Variants in CCDC88A observed in about 807,000 individuals in gnomAD.
The protein encoded by CCDC88A is coiled-coil and HOOK domain protein 88A.
In CCDC88A, 54 loss-of-function variants were observed where a neutral mutation model predicts 234.3. The ratio of observed to expected loss-of-function variants is 0.23; its 90% CI spans 0.19 to 0.29. The LOEUF (loss-of-function observed/expected upper bound fraction) is 0.29. Ranked by LOEUF, CCDC88A falls within the 10% of genes least tolerant of loss-of-function variation. The probability of loss-of-function intolerance (pLI) is 1.00; values close to 1 mark genes in which losing one functional copy is unlikely to be tolerated. For missense variants in CCDC88A, 1,832 were observed against 2,123.4 expected (o/e 0.86, Z 2.70); for synonymous variants, 753 against 737.8 (o/e 1.02, Z -0.33).
chr2:55,398,262 C>T (rs2867178), intron 2 of CCDC88A, among the ~76,000 whole-genome samples: 125,440 of 152,116 alleles, frequency 0.82, 52,754 homozygotes, highest in Admixed American at 0.92. Context: ...ACCTAAGCAC[C>T]CCAAACCTCT....
intron 8 of CCDC88A, among the ~76,000 whole-genome samples, chr2:55,351,252 A>G (rs540836738): frequency 2.0e-5 from 3 of 152,308 alleles, no homozygotes; most frequent in East Asian, 3.9e-4. Context: ...ACAGATTTCT[A>G]AAAGTGCATT....
Position 55,325,245 on chromosome 2 carries a change from G to C in CCDC88A, c.2998-2553C>G, listed in dbSNP as rs528863741. ...TGAGGTATTTCCTTTGGTGTTTCTA[G>C]TACAGAGTTCTTGCACACATTTCCT... On this transcript the variant is annotated intron_variant, in intron 17 of 32. Transcript: ENST00000436346. Among the ~76,000 whole-genome samples, 9 of 152,262 alleles carry C rather than the reference G, an allele frequency of 5.9e-5. No homozygotes were observed. In the South Asian group the frequency reaches 8.3e-4, roughly 14 times the overall value.
intron 2 of CCDC88A, among the ~76,000 whole-genome samples, chr2:55,392,594 T>A (rs1349884): frequency 0.3 from 46,265 of 152,112 alleles, 7,457 homozygotes; most frequent in East Asian, 0.54. Flanking sequence ...GTAATATTTT[T>A]AAAATGTATT....
At chr2:55,306,782 G>A (rs898409591) in intron 25 of CCDC88A, among the ~76,000 whole-genome samples, 1 of 152,004 alleles carries the variant, frequency 6.6e-6, no homozygotes, top group African/African-American at 2.4e-5. Context: ...CACCATGTTG[G>A]CCAGACTGGT....
At chr2:55,396,459 T>C (rs1292136144) in intron 2 of CCDC88A, among the ~76,000 whole-genome samples, 2 of 152,198 alleles carry the variant, frequency 1.3e-5, no homozygotes, top group African/African-American at 2.4e-5. Context: ...GGTTTCACCA[T>C]AAATCAGAAA....
chr2:55,332,566 C>T lies in CCDC88A; in HGVS notation c.2855G>A (p.Ser952Asn). The change falls in exon 16 of 33, where the codon AGT (serine) becomes AAT (asparagine). Residue 952 changes from serine (S) to asparagine (N), a missense_variant and splice_region_variant. By Grantham distance (46) the Ser-to-Asn change is conservative. This residue lies in a region of CCDC88A where 1,282 missense variants were observed against 1,543.6 expected (regional missense o/e 0.83). Coordinates refer to ENST00000436346, the MANE Select transcript of CCDC88A (RefSeq NM_001365480.1). This position sits in a 1 kb window ranked among gnomAD's most constrained non-coding sequence, Gnocchi z 4.5. ...LLHDEQSTDD[S>N]RYKLLESKLE... ...TTTGCCAAGTAGACTTAGTACTCAC[C>T]TGTCATCAGTACTTTGTTCATCATG... 1 of 1,611,626 alleles carries T rather than the reference C, an allele frequency of 6.2e-7. No individual in the cohort carries two copies. Among genetic ancestry groups the T allele is most frequent in the Non-Finnish European group, 8.5e-7 (1 of 1,179,090 alleles).
chr2:55,291,850 T>G (rs1679478907), intron 31 of CCDC88A, 75 bp from the exon 32 acceptor site: 1 of 1,110,036 alleles, frequency 9.0e-7, no homozygotes, highest in East Asian at 2.4e-5. Context: ...AGAAATACAC[T>G]CTCACTGAGT....
chr2:55,360,524 C>G (rs1267507820), intron 7 of CCDC88A, among the ~76,000 whole-genome samples: 1 of 152,062 alleles, frequency 6.6e-6, no homozygotes, highest in Non-Finnish European at 1.5e-5. Context: ...TCCCAAGTAT[C>G]TGAGACAGAA....
intron 6 of CCDC88A, among the ~76,000 whole-genome samples, chr2:55,362,705 A>C (rs557653768): frequency 2.0e-5 from 3 of 152,006 alleles, no homozygotes; most frequent in Non-Finnish European, 4.4e-5. Context: ...AACTCAAGGC[A>C]TTCTTAAAGG....
chr2:55,344,540 T>G, intron 10 of CCDC88A, 26 bp from the exon 11 acceptor site: 1 of 1,280,368 alleles, frequency 7.8e-7, no homozygotes, highest in South Asian at 1.6e-5. Context: ...ACAAATGTGT[T>G]AATATCTGTT....
chr2:55,385,724 G>A (rs181449064), intron 3 of CCDC88A, among the ~76,000 whole-genome samples: 9 of 151,714 alleles, frequency 5.9e-5, no homozygotes, highest in Admixed American at 3.9e-4. Context: ...CTGGTGGCAC[G>A]TGCCTGTAGT....
At position 55,375,512 on chromosome 2, in the gene CCDC88A, T is replaced by TATAC. The variant is rs1491498389; in HGVS notation, c.274-630_274-629insGTAT. On this transcript the variant is annotated intron_variant, in intron 3 of 32. Coordinates refer to ENST00000436346, the MANE Select transcript of CCDC88A (RefSeq NM_001365480.1). The stretch of plus-strand genomic sequence containing the variant: ...ATATATATATATATATATATATATA[T>TATAC]GTATGTATGTATAAATATGTTGGGT... Among the ~76,000 whole-genome samples, 134 of 13,856 alleles carry TATAC rather than the reference T, an allele frequency of 9.7e-3. 3 individuals carry two copies. The highest frequency in any genetic ancestry group is 0.021 in the African/African-American group (125 of 5,968). 9.1% of individuals were successfully genotyped at this position (13,856 alleles called of 152,430 possible). A position where few individuals can be genotyped will look rare whatever the true frequency, so the allele number is the denominator to read the frequency against.
At chr2:55,324,653 CT>C (rs145610788) in intron 17 of CCDC88A, among the ~76,000 whole-genome samples, 12 of 147,832 alleles carry the variant, frequency 8.1e-5, no homozygotes, top group Admixed American at 1.4e-4. Flanking sequence ...CCTTCTTTTT[CT>C]TTTTTTTTTG....
At chr2:55,417,024 G>A (rs1294134651) in intron 2 of CCDC88A, 1 of 151,658 alleles carries the variant, frequency 6.6e-6, no homozygotes, top group Non-Finnish European at 1.5e-5. Flanking sequence ...GCAGATTTGT[G>A]GTTTGGAAAG....
At chr2:55,385,075 A>G (rs1675369405) in intron 3 of CCDC88A, among the ~76,000 whole-genome samples, 1 of 152,084 alleles carries the variant, frequency 6.6e-6, no homozygotes, top group African/African-American at 2.4e-5. Flanking sequence ...GTCCCCCCAA[A>G]AAATGAGTTC....
intron 2 of CCDC88A, among the ~76,000 whole-genome samples, chr2:55,412,531 T>C (rs1430681045): frequency 6.6e-6 from 1 of 152,130 alleles, no homozygotes; most frequent in Non-Finnish European, 1.5e-5. Context: ...TATTGTGAAC[T>C]GTAGATGCGA....
At chr2:55,322,278 G>C (rs1042932161) in intron 18 of CCDC88A, among the ~76,000 whole-genome samples, 2 of 152,220 alleles carry the variant, frequency 1.3e-5, no homozygotes, top group African/African-American at 4.8e-5. Context: ...AGAAGTCAGA[G>C]AAGACCTTCT....
chr2:55,345,109 T>C (rs911768865), intron 10 of CCDC88A, among the ~76,000 whole-genome samples: 14 of 152,204 alleles, frequency 9.2e-5, no homozygotes, highest in African/African-American at 3.4e-4. Context: ...AACTAAAGTC[T>C]AGAAAAAGTA....
intron 21 of CCDC88A, chr2:55,316,991 T>TC (rs1683067693): frequency 5.8e-6 from 1 of 171,602 alleles, no homozygotes; most frequent in Non-Finnish European, 1.2e-5. Context: ...TGCCTCGGCC[T>TC]CCCAAAGTGC....
Sources: gnomAD v4.1 joint callset for allele counts (sites outside exome capture counted in the v4.1 genomes callset) on GRCh38, gnomAD v4.1.1 for gene constraint, gnomAD v4.1.1 regional missense constraint, Gnocchi (gnomAD v3.1) non-coding constraint, MANE v1.5 for transcripts, NCBI Gene and HGNC (gene_info 2026-07-23, HGNC 2026-07-21) for gene names.